NOP9: variants seen among roughly 807,000 people sequenced by gnomAD.
NOP9 encodes nucleolar protein 9.
Under a neutral mutation model 63.0 loss-of-function variants are expected in NOP9, and 50 were observed. The ratio of observed to expected loss-of-function variants is 0.79; its 90% CI spans 0.63 to 1.00. NOP9 has a LOEUF of 1.00. Ranked by LOEUF, NOP9 falls within the 50% of genes least tolerant of loss-of-function variation. The pLI, the probability that NOP9 is intolerant of heterozygous loss-of-function variation, is 0.00. For missense variants in NOP9, 758 were observed against 803.0 expected (o/e 0.94, Z 0.68); for synonymous variants, 343 against 332.8 (o/e 1.03, Z -0.33).
At position 24,306,070 on chromosome 14, in the gene NOP9, G is replaced by A. The variant is rs1446647323; in HGVS notation, c.*975G>A. The A allele has an allele frequency of 6.2e-7, 1 of 1,614,186 alleles. No individual in the cohort carries two copies. The highest frequency in any genetic ancestry group is 2.2e-5 in the East Asian group (1 of 44,884). Reference sequence around the variant, plus strand: ...AGGGTTTTGCTTGTACACGTCAAAGGTGAATCGGGCGATGTCCTTGCTGTG... The same window carrying A: ...AGGGTTTTGCTTGTACACGTCAAAGATGAATCGGGCGATGTCCTTGCTGTG... On this transcript the variant is annotated 3_prime_UTR_variant, in exon 10 of 10. Transcript: ENST00000267425.
At chr14:24,274,191 C>G in the NOP9 span, among the ~76,000 whole-genome samples, 1 of 152,140 alleles carries the variant, frequency 6.6e-6, no homozygotes, top group Non-Finnish European at 1.5e-5. Context: ...TAGGCGCAAC[C>G]AGATACTTGG....
At position 24,307,332 on chromosome 14, in the gene NOP9, T is replaced by C; in HGVS notation, c.*2237T>C. 6.3e-7 allele frequency: 1 copy of C among 1,586,316 alleles called. No homozygotes were observed. The highest frequency in any genetic ancestry group is 8.6e-7 in the Non-Finnish European group (1 of 1,164,038). On this transcript the variant is annotated 3_prime_UTR_variant, in exon 10 of 10. Coordinates refer to ENST00000267425, the MANE Select transcript of NOP9 (RefSeq NM_174913.3). ...TGCCACTGTTGTGGAGCCCCTTGGC[T>C]ACCCCTGCTATAGGAACCGAGGAAC...
Position 24,304,249 on chromosome 14 carries a change from T to G in NOP9, c.1619T>G (p.Leu540Arg). Residue 540 changes from leucine to arginine, a missense_variant, in exon 8 of 10, where the codon CTG becomes CGG. Physicochemically the swap from Leu to Arg is moderately radical, Grantham distance 102. Coordinates refer to ENST00000267425, the MANE Select transcript of NOP9 (RefSeq NM_174913.3). ...ACCAGCCCCTCTGTGACGCGCAAGC[T>G]GCGCCGCCGTGTGCTGCAGAACCTA... ...ILTSPSVTRK[L>R]RRRVLQNLKG... 6.2e-7 allele frequency: 1 copy of G among 1,614,016 alleles called. No individual in the cohort carries two copies. Among genetic ancestry groups the G allele is most frequent in the Non-Finnish European group, 8.5e-7 (1 of 1,179,974 alleles).
rs775358157 is a variant in NOP9, at chr14:24,306,048, G to A, written c.*953G>A. 1.9e-6 allele frequency: 3 copies of A among 1,614,064 alleles called. No individual in the cohort carries two copies. The highest frequency in any genetic ancestry group is 1.3e-5 in the African/African-American group (1 of 74,932). ...TCAGGCTGCCAAAGAGGTCTCGAGG[G>A]TTTTGCTTGTACACGTCAAAGGTGA... On this transcript the variant is annotated 3_prime_UTR_variant, in exon 10 of 10. Transcript: ENST00000267425.
In NOP9 at chr14:24,301,952, C is replaced by A; in HGVS notation, c.809-13C>A. The A allele has an allele frequency of 6.3e-7, 1 of 1,598,488 alleles. No individual in the cohort carries two copies. The highest frequency in any genetic ancestry group is 8.5e-7 in the Non-Finnish European group (1 of 1,172,790). ...TTTGGGAAAGCCGCTTTATTTCTGC[C>A]CTCTCTCCACAGTGTTTATCACTGA... On this transcript the variant is annotated splice_polypyrimidine_tract_variant and intron_variant, in intron 3 of 9. Transcript: ENST00000267425.
At position 24,302,407 on chromosome 14, in the gene NOP9, G is replaced by A. The variant is rs200480319; in HGVS notation, c.1126G>A (p.Val376Ile). 296 of 1,611,714 alleles carry A rather than the reference G, an allele frequency of 1.8e-4. No individual in the cohort carries two copies. Among genetic ancestry groups the A allele is most frequent in the Admixed American group, 1.5e-4 (9 of 59,968 alleles). Residue 376 changes from valine to isoleucine, a missense_variant, in exon 5 of 10, where the codon GTC becomes ATC. Physicochemically the swap from Val to Ile is conservative, Grantham distance 29 (BLOSUM62 3). Transcript: ENST00000267425. ...CCCTTTGCAGCGCTTACTGGATGCA[G>A]TCACTACCCCTGAGCTGGTGAGTTG... ...NFPLQRLLDA[V>I]TTPELLSPVF...
chr14:24,285,596 G>A, the NOP9 span, among the ~76,000 whole-genome samples: 1 of 152,194 alleles, frequency 6.6e-6, no homozygotes, highest in East Asian at 1.9e-4. Context: ...GGCTGCCTCC[G>A]GGCTGAGGGC....
In NOP9 at chr14:24,306,554, G is replaced by A. The variant is rs758593534; in HGVS notation, c.*1459G>A. 1 of 1,614,046 alleles carries A rather than the reference G, an allele frequency of 6.2e-7. No individual in the cohort carries two copies. Among genetic ancestry groups the A allele is most frequent in the South Asian group, 1.1e-5 (1 of 91,086 alleles). On this transcript the variant is annotated 3_prime_UTR_variant, in exon 10 of 10. Coordinates refer to ENST00000267425, the MANE Select transcript of NOP9 (RefSeq NM_174913.3). ...CAATGGCAAGAAGCAAGAAGGGCAG[G>A]TCTTATCCCATGCCCCTTCCCTCTT...
the NOP9 span, among the ~76,000 whole-genome samples, chr14:24,272,382 CCATCCTGTCTAAA>C: frequency 6.0e-4 from 92 of 152,346 alleles, no homozygotes; most frequent in African/African-American, 2.1e-3. Context: ...TATCTTTCAT[CCATCCTGTCTAAA>C]CATTGGCCTT....
intron 3 of NOP9, 81 bp downstream of exon 3, chr14:24,301,803 G>C (rs2041381963): frequency 6.5e-7 from 1 of 1,529,550 alleles, no homozygotes; most frequent in South Asian, 1.1e-5. Context: ...CTTACCTCAG[G>C]TTATTCCTCT....
chr14:24,297,354 CA>C (rs2041267875), upstream of NOP9, among the ~76,000 whole-genome samples: 1 of 152,174 alleles, frequency 6.6e-6, no homozygotes, highest in African/African-American at 2.4e-5. Flanking sequence ...TTGAAAAAAC[CA>C]AAGCTATCAG....
chr14:24,302,190 T>A, intron 4 of NOP9, 42 bp from the exon 5 acceptor site: 1 of 1,600,604 alleles, frequency 6.2e-7, no homozygotes, highest in Non-Finnish European at 8.5e-7. Flanking sequence ...GTATTTTGCA[T>A]GAAATGGAGT....
In NOP9 at chr14:24,306,514, T is replaced by A. The variant is rs2041512697; in HGVS notation, c.*1419T>A. On this transcript the variant is annotated 3_prime_UTR_variant, in exon 10 of 10. Coordinates refer to ENST00000267425, the MANE Select transcript of NOP9 (RefSeq NM_174913.3). ...GTTAGCACTCCATTCAGCAGTAGGG[T>A]CTCCAATGCCTGCCCAATGGCAAGA... 2 of 1,614,050 alleles carry A rather than the reference T, an allele frequency of 1.2e-6. No individual in the cohort carries two copies. The highest frequency in any genetic ancestry group is 1.3e-5 in the African/African-American group (1 of 74,928).
the NOP9 span, among the ~76,000 whole-genome samples, chr14:24,286,835 G>A: frequency 6.6e-5 from 10 of 151,632 alleles, no homozygotes; most frequent in South Asian, 2.1e-4. Flanking sequence ...CTCGTGATCC[G>A]CCCGTCTCGG....
the NOP9 span, among the ~76,000 whole-genome samples, chr14:24,275,387 G>T: frequency 7.9e-5 from 12 of 152,198 alleles, no homozygotes; most frequent in Admixed American, 7.2e-4. Flanking sequence ...AATACAGTGG[G>T]TTTGCAGAGG....
Position 24,304,879 on chromosome 14 carries a change from G to A in NOP9, c.1754-59G>A, listed in dbSNP as rs970952194. ...CTGGGGGAAATGGAGGGATCTTTAC[G>A]TCAAGTAGAGTCTGTCTTTGAGCAT... is the stretch of plus-strand genomic sequence containing the variant. On this transcript the variant is annotated intron_variant, in intron 9 of 9. Coordinates refer to ENST00000267425, the MANE Select transcript of NOP9 (RefSeq NM_174913.3). The A allele has an allele frequency of 3.3e-5, 49 of 1,476,486 alleles. No individual in the cohort carries two copies. The East Asian group carries it at 5.7e-4, about 17-fold the overall frequency. The allele number at this position is 1,476,486 out of a possible 1,614,324, so 91.5% of individuals were successfully genotyped here. A position where few individuals can be genotyped will look rare whatever the true frequency, so the allele number is the denominator to read the frequency against.
the NOP9 span, among the ~76,000 whole-genome samples, chr14:24,282,504 A>G: frequency 1.3e-5 from 2 of 152,184 alleles, no homozygotes; most frequent in Admixed American, 1.3e-4. Context: ...TTAATGTGAC[A>G]GTGAAGGGCC....
At chr14:24,299,302 G>A (rs1417480456), upstream of NOP9, 12 of 591,212 alleles carry the variant, frequency 2.0e-5, no homozygotes, top group Non-Finnish European at 3.5e-5. Context: ...TGAGGACAAG[G>A]CTGACTGTCT....
upstream of NOP9, chr14:24,299,337 A>AG (rs2139109347): frequency 1.9e-6 from 1 of 524,844 alleles, no homozygotes; most frequent in East Asian, 3.1e-5. Flanking sequence ...AGAGTGAAGA[A>AG]GGGGCTGAGT....
Sources: gnomAD v4.1 joint callset for allele counts (sites outside exome capture counted in the v4.1 genomes callset) on GRCh38, gnomAD v4.1.1 for gene constraint, MANE v1.5 for transcripts, NCBI Gene and HGNC (gene_info 2026-07-23, HGNC 2026-07-21) for gene names.